The following SMARCB1 variants were observed in gnomAD, a reference collection of about 807,000 sequenced individuals.
SMARCB1 encodes SWI/SNF-related matrix-associated actin-dependent regulator of chromatin subfamily B member 1.
SMARCB1 carries 5 observed loss-of-function variants against 49.0 expected under a neutral mutation model. That is an observed-to-expected ratio of 0.10 (90% confidence interval 0.05 to 0.21). The LOEUF (loss-of-function observed/expected upper bound fraction) is 0.21. SMARCB1 is among the 10% of genes least tolerant of loss of function. The probability of loss-of-function intolerance (pLI) is 1.00; values close to 1 mark genes in which losing one functional copy is unlikely to be tolerated. For missense variants in SMARCB1, 226 were observed against 509.2 expected, an observed-to-expected ratio of 0.44 and a Z score of 5.35; for synonymous variants, 201 against 200.1, an observed-to-expected ratio of 1.00 and a Z score of -0.04.
chr22:23,811,189 CAT>C (rs1356570160), intron 5 of SMARCB1, among the ~76,000 whole-genome samples: 1 of 152,112 alleles, frequency 6.6e-6, no homozygotes, highest in African/African-American at 2.4e-5. Context: ...TTCATCAAGA[CAT>C]AGCAATCCTA....
At chr22:23,801,597 G>A (rs1252149827) in intron 4 of SMARCB1, 5 of 348,124 alleles carry the variant, frequency 1.4e-5, no homozygotes, top group Non-Finnish European at 2.8e-5. Flanking sequence ...CCATCGAGGC[G>A]ATTCGGTCCT....
chr22:23,837,151 A>T lies in SMARCB1; in HGVS notation c.*2971A>T. The T allele has an allele frequency of 1.2e-6, 2 of 1,613,808 alleles. No homozygotes were observed. Among genetic ancestry groups the T allele is most frequent in the Non-Finnish European group, 8.5e-7 (1 of 1,179,860 alleles). ...GAAGTAGTAGATATGGCCCACCGCA[A>T]TCCCTGTGAGACAGCCACGGACTGT... On this transcript the variant is annotated 3_prime_UTR_variant, in exon 9 of 9. Coordinates refer to ENST00000644036, the MANE Select transcript of SMARCB1 (RefSeq NM_003073.5).
rs1340225252 is a variant in SMARCB1, at chr22:23,835,019, T to C, written c.*839T>C. On this transcript the variant is annotated 3_prime_UTR_variant, in exon 9 of 9. Transcript: ENST00000644036. Reference sequence around the variant, plus strand: ...GCTGTTCTAGCTCCAGTGGCACCCATAGCCAGGTCAGCTGGGGCCCTTTCC... The same window carrying C: ...GCTGTTCTAGCTCCAGTGGCACCCACAGCCAGGTCAGCTGGGGCCCTTTCC... 7.7e-6 allele frequency: 11 copies of C among 1,434,392 alleles called. No individual in the cohort carries two copies. The Admixed American group carries it at 1.9e-4, about 25-fold the overall frequency. The allele number at this position is 1,434,392 out of a possible 1,614,324, so 88.9% of individuals were successfully genotyped here. A position where few individuals can be genotyped will look rare whatever the true frequency, so the allele number is the denominator to read the frequency against.
At chr22:23,813,100 T>G (rs1421409107) in intron 5 of SMARCB1, among the ~76,000 whole-genome samples, 2 of 152,100 alleles carry the variant, frequency 1.3e-5, no homozygotes, top group Non-Finnish European at 2.9e-5. Flanking sequence ...CTCCTGACCA[T>G]GTGATCCACC....
chr22:23,819,392 G>A (rs527496372), intron 6 of SMARCB1, among the ~76,000 whole-genome samples: 54 of 151,044 alleles, frequency 3.6e-4, no homozygotes, highest in African/African-American at 1.1e-3. Context: ...GTGCAGTGGC[G>A]CGATCTTGGC....
intron 4 of SMARCB1, 127 bp from the exon 5 acceptor site, chr22:23,803,161 CAGCTGTT>C (rs1929273566): frequency 8.4e-7 from 1 of 1,188,378 alleles, no homozygotes. Flanking sequence ...TCTGCTGCCT[CAGCTGTT>C]AGCTGACAAG....
At position 23,836,866 on chromosome 22, in the gene SMARCB1, G is replaced by T; in HGVS notation, c.*2686G>T. ...GCCTCTTAGGCCTGGCCCTGGGTGG[G>T]GGTCACTGCTGCGGGGGTGGCAGAT... On this transcript the variant is annotated 3_prime_UTR_variant, in exon 9 of 9. Coordinates refer to ENST00000644036, the MANE Select transcript of SMARCB1 (RefSeq NM_003073.5). 1 of 1,459,658 alleles carries T rather than the reference G, an allele frequency of 6.9e-7. No individual in the cohort carries two copies. 90.4% of individuals were successfully genotyped at this position (1,459,658 alleles called of 1,614,324 possible).
rs137960828 is a variant in SMARCB1 at position 23,807,710 on chromosome 22, G to T, written c.628+4288G>T. Among the ~76,000 whole-genome samples, 1,156 of 150,206 alleles carry T rather than the reference G, an allele frequency of 7.7e-3. 9 individuals carry two copies. The highest frequency in any genetic ancestry group is 0.011 in the Non-Finnish European group (754 of 67,588). ...TAAACTTCTGGAAACTCAACACAAAGAAAAAAATCTTGAGAGCAATCAGAG... is the reference window on the plus strand; with the variant it reads ...TAAACTTCTGGAAACTCAACACAAATAAAAAAATCTTGAGAGCAATCAGAG... On this transcript the variant is annotated intron_variant, in intron 5 of 8. Coordinates refer to ENST00000644036, the MANE Select transcript of SMARCB1 (RefSeq NM_003073.5).
intron 1 of SMARCB1, among the ~76,000 whole-genome samples, chr22:23,789,624 TG>T (rs1344009762): frequency 6.6e-6 from 1 of 152,222 alleles, no homozygotes; most frequent in African/African-American, 2.4e-5. Flanking sequence ...ATTACAGTCT[TG>T]TCTTTCAGCC....
At position 23,834,904 on chromosome 22, in the gene SMARCB1, C is replaced by T. The variant is rs1277304128; in HGVS notation, c.*724C>T. 3 of 1,611,494 alleles carry T rather than the reference C, an allele frequency of 1.9e-6. No individual in the cohort carries two copies. The highest frequency in any genetic ancestry group is 2.7e-5 in the African/African-American group (2 of 74,924). On this transcript the variant is annotated 3_prime_UTR_variant, in exon 9 of 9. Transcript: ENST00000644036. ...TGTGTCCAGATGGTCAGGCTACTGC[C>T]AGCTGGGGCCTTGCTGCTCTGAAGT...
At chr22:23,821,937 A>G (rs1285697086) in intron 6 of SMARCB1, among the ~76,000 whole-genome samples, 5 of 152,072 alleles carry the variant, frequency 3.3e-5, no homozygotes, top group Non-Finnish European at 5.9e-5. Context: ...TCCTGGGCTC[A>G]AGCAACTCTT....
intron 7 of SMARCB1, among the ~76,000 whole-genome samples, chr22:23,829,448 C>T (rs1028972710): frequency 2.2e-4 from 33 of 152,148 alleles, no homozygotes; most frequent in African/African-American, 7.5e-4. Flanking sequence ...CAGTCCTACA[C>T]GTACAGGGTG....
chr22:23,802,883 G>C lies in SMARCB1; in HGVS notation c.501-412G>C, dbSNP rs117114280. ...CTGCTCCTCACGGAATCTGTGCTCTGTGGTCTGTTTGTACGTCCTCAGCAG... is the reference window on the plus strand; with the variant it reads ...CTGCTCCTCACGGAATCTGTGCTCTCTGGTCTGTTTGTACGTCCTCAGCAG... On this transcript the variant is annotated intron_variant, in intron 4 of 8. Coordinates refer to ENST00000644036, the MANE Select transcript of SMARCB1 (RefSeq NM_003073.5). The C allele has an allele frequency of 3.2e-3, 1,113 of 347,026 alleles. 2 individuals are homozygous for C. The highest frequency in any genetic ancestry group is 4.8e-3 in the Non-Finnish European group (841 of 176,914). The allele number at this position is 347,026 out of a possible 1,614,324, so 21.5% of individuals were successfully genotyped here. A position where few individuals can be genotyped will look rare whatever the true frequency, so the allele number is the denominator to read the frequency against.
At chr22:23,832,452 G>A (rs747312531) in intron 7 of SMARCB1, among the ~76,000 whole-genome samples, 4 of 152,148 alleles carry the variant, frequency 2.6e-5, no homozygotes, top group East Asian at 1.9e-4. Context: ...TTTCAGGGCC[G>A]CAGGCTGGCA....
At chr22:23,807,486 G>A (rs1260881154) in intron 5 of SMARCB1, among the ~76,000 whole-genome samples, 1 of 151,886 alleles carries the variant, frequency 6.6e-6, no homozygotes, top group Non-Finnish European at 1.5e-5. Context: ...GAGGTGGGAG[G>A]ATAGCTTGAG....
At chr22:23,788,396 C>T (rs1275312928) in intron 1 of SMARCB1, among the ~76,000 whole-genome samples, 1 of 152,148 alleles carries the variant, frequency 6.6e-6, no homozygotes, top group Non-Finnish European at 1.5e-5. Flanking sequence ...TTTTTAGTAT[C>T]ATATTCCAGC....
intron 6 of SMARCB1, among the ~76,000 whole-genome samples, chr22:23,819,345 C>CATTTAGAT (rs2029950971): frequency 1.4e-5 from 2 of 146,526 alleles, no homozygotes; most frequent in African/African-American, 5.1e-5. Flanking sequence ...TTCATTCATT[C>CATTTAGAT]ATTTAGATGG....
At chr22:23,834,002 C>A (rs2030820903) in intron 8 of SMARCB1, 139 bp from the exon 9 acceptor site, 2 of 929,480 alleles carry the variant, frequency 2.2e-6, no homozygotes, top group Non-Finnish European at 1.7e-6. Context: ...TGAGAGAAGG[C>A]TGGGTCTGAC....
At chr22:23,831,151 G>T (rs536938075) in intron 7 of SMARCB1, among the ~76,000 whole-genome samples, 5 of 152,254 alleles carry the variant, frequency 3.3e-5, no homozygotes, top group African/African-American at 4.8e-5. Context: ...GCAAACATAA[G>T]GGTGACACCA....
Sources: gnomAD v4.1 joint callset for allele counts (sites outside exome capture counted in the v4.1 genomes callset) on GRCh38, gnomAD v4.1.1 for gene constraint, MANE v1.5 for transcripts, NCBI Gene and HGNC (gene_info 2026-07-23, HGNC 2026-07-21) for gene names.